WFDC1: variants seen among roughly 807,000 people sequenced by gnomAD.
WFDC1 encodes the protein WAP four-disulfide core domain protein 1.
WFDC1 carries 39 observed loss-of-function variants against 32.9 expected under a neutral mutation model. That is an observed-to-expected ratio of 1.19 (90% CI 0.92 to 1.55). WFDC1 has a LOEUF of 1.55. WFDC1 is among the 40% of genes most tolerant of loss of function. WFDC1 has a pLI of 0.00. For synonymous variants in WFDC1, 184 were observed against 137.4 expected, an observed-to-expected ratio of 1.34 and a Z score of -2.37; for missense variants, 386 against 309.5, an observed-to-expected ratio of 1.25 and a Z score of -1.85.
At chr16:84,301,251 A>G (rs8047651) in intron 1 of WFDC1, among the ~76,000 whole-genome samples, 6,218 of 152,254 alleles carry the variant, frequency 0.041, 377 homozygotes, top group African/African-American at 0.14. Context: ...GTGTTGTTTT[A>G]AGCCCCCAGC....
chr16:84,312,654 T>C (rs1014483712), intron 1 of WFDC1, among the ~76,000 whole-genome samples: 10 of 152,230 alleles, frequency 6.6e-5, no homozygotes. Context: ...TTATGTATTA[T>C]GTATCATCTC....
intron 1 of WFDC1, among the ~76,000 whole-genome samples, chr16:84,306,404 C>T (rs897066742): frequency 1.3e-5 from 2 of 152,122 alleles, no homozygotes; most frequent in Non-Finnish European, 2.9e-5. Context: ...GGAAGCGTTC[C>T]GAGTAGAAGG....
In WFDC1 at chr16:84,318,335, G is replaced by T; in HGVS notation, c.401G>T (p.Gly134Val). The part of the protein sequence containing the change: ...WLGGNGWLLD[G>V]PEEVLQAEAC... ...GGTGGCAATGGCTGGCTCCTGGATG[G>T]CCCTGAGGAGGTGTTACAAGGTACC... Residue 134 changes from glycine (G) to valine (V), a missense_variant, in exon 3 of 7, where the codon GGC becomes GTC. Transcript: ENST00000219454. 1 of 1,614,086 alleles carries T rather than the reference G, an allele frequency of 6.2e-7. No homozygotes were observed. The highest frequency in any genetic ancestry group is 8.5e-7 in the Non-Finnish European group (1 of 1,179,988).
At position 84,322,145 on chromosome 16, in the gene WFDC1, C is replaced by CTGTGTGTGTGCGTGCG. The variant is rs1908335049; in HGVS notation, c.563-2264_563-2263insCGTGCGTGTGTGTGTG. 4.6e-5 allele frequency among the ~76,000 whole-genome samples: 5 copies of CTGTGTGTGTGCGTGCG among 109,460 alleles called. No individual in the cohort carries two copies. The East Asian group carries it at 1.2e-3, about 25-fold the overall frequency. 71.8% of individuals were successfully genotyped at this position (109,460 alleles called of 152,430 possible). A position where few individuals can be genotyped will look rare whatever the true frequency, so the allele number is the denominator to read the frequency against. ...CAAGACTGTCCACCAGCCTCAGAGCCTGTGTGTGTGTGTGCGTGTGTGTGT... is the reference window on the plus strand; with the variant it reads ...CAAGACTGTCCACCAGCCTCAGAGCCTGTGTGTGTGCGTGCGTGTGTGTGTGTGTGCGTGTGTGTGT... On this transcript the variant is annotated intron_variant, in intron 4 of 6. Transcript: ENST00000219454.
intron 1 of WFDC1, among the ~76,000 whole-genome samples, chr16:84,307,386 A>C (rs1597670474): frequency 6.6e-6 from 1 of 152,198 alleles, no homozygotes; most frequent in South Asian, 2.1e-4. Flanking sequence ...CCTCTCAGTG[A>C]AATCAGTGCT....
intron 1 of WFDC1, among the ~76,000 whole-genome samples, chr16:84,298,615 A>G (rs1241970622): frequency 6.6e-6 from 1 of 152,202 alleles, no homozygotes; most frequent in Non-Finnish European, 1.5e-5. Flanking sequence ...CCAGGGCTAC[A>G]TGAGGAGAGC....
chr16:84,305,371 C>T (rs1394759825), intron 1 of WFDC1, among the ~76,000 whole-genome samples: 1 of 152,244 alleles, frequency 6.6e-6, no homozygotes, highest in African/African-American at 2.4e-5. Flanking sequence ...AGTGCTCTTG[C>T]ACATGCTGGG....
chr16:84,322,719 G>C (rs914171180), intron 4 of WFDC1, among the ~76,000 whole-genome samples: 1 of 152,170 alleles, frequency 6.6e-6, no homozygotes, highest in African/African-American at 2.4e-5. Flanking sequence ...GCATTTGAGG[G>C]GTTCACATTT....
At chr16:84,323,033 G>A (rs1217045172) in intron 4 of WFDC1, among the ~76,000 whole-genome samples, 1 of 152,214 alleles carries the variant, frequency 6.6e-6, no homozygotes, top group African/African-American at 2.4e-5. Flanking sequence ...CTGTCTCCTT[G>A]TGGTGTTATG....
intron 1 of WFDC1, among the ~76,000 whole-genome samples, chr16:84,306,498 A>G (rs1907267394): frequency 6.6e-6 from 1 of 152,168 alleles, no homozygotes. Context: ...TTACATTTTG[A>G]AAGCATCCTT....
intron 3 of WFDC1, chr16:84,318,893 T>C: frequency 5.3e-6 from 1 of 186,998 alleles, no homozygotes. Flanking sequence ...GCTGTCCTTG[T>C]GCCTGTGGCT....
At chr16:84,303,715 A>G (rs549018358) in intron 1 of WFDC1, among the ~76,000 whole-genome samples, 3 of 152,314 alleles carry the variant, frequency 2.0e-5, no homozygotes, top group South Asian at 2.1e-4. Flanking sequence ...CAAAGGTACA[A>G]TTCAGTGGTG....
chr16:84,326,963 G>A lies in WFDC1; in HGVS notation c.*15+8G>A, dbSNP rs377765648. The A allele has an allele frequency of 5.0e-6, 8 of 1,613,874 alleles. No individual in the cohort carries two copies. The highest frequency in any genetic ancestry group is 5.9e-6 in the Non-Finnish European group (7 of 1,179,942). On this transcript the variant is annotated splice_region_variant and intron_variant, in intron 6 of 6. Transcript: ENST00000219454. ...TAAAGCAACGGCAAGCAGGTGAGTG[G>A]GCAGAGAGCAAGAGTCATGGCCAGG...
chr16:84,320,471 A>G (rs1457451516), intron 4 of WFDC1, among the ~76,000 whole-genome samples: 2 of 152,268 alleles, frequency 1.3e-5, no homozygotes, highest in Non-Finnish European at 2.9e-5. Flanking sequence ...GTCTTTGGAC[A>G]CAAAGGCAAT....
chr16:84,322,036 C>T (rs1227115281), intron 4 of WFDC1, among the ~76,000 whole-genome samples: 1 of 152,134 alleles, frequency 6.6e-6, no homozygotes, highest in Non-Finnish European at 1.5e-5. Context: ...TGAATGTGTG[C>T]CACCATCATC....
intron 1 of WFDC1, among the ~76,000 whole-genome samples, chr16:84,302,108 A>C (rs244833): frequency 0.29 from 44,551 of 151,954 alleles, 7,135 homozygotes; most frequent in East Asian, 0.48. Context: ...TGCTGAGTGC[A>C]CAAAGGCCAC....
intron 1 of WFDC1, among the ~76,000 whole-genome samples, chr16:84,306,193 G>GAAAA (rs1308973278): frequency 2.5e-4 from 38 of 152,240 alleles, no homozygotes; most frequent in Admixed American, 2.4e-3. Flanking sequence ...GCTCAGATAC[G>GAAAA]TTAGTGATTT....
At chr16:84,318,080 T>C in intron 2 of WFDC1, 192 bp from the exon 3 acceptor site, 2 of 567,270 alleles carry the variant, frequency 3.5e-6, no homozygotes, top group South Asian at 3.9e-5. Context: ...CCCAGCTTTG[T>C]GGCCCAGTGC....
chr16:84,315,986 C>A lies in WFDC1; in HGVS notation c.338-2286C>A, dbSNP rs1057448812. 12 of 152,216 alleles carry A rather than the reference C, an allele frequency of 7.9e-5. No individual in the cohort carries two copies. The East Asian group carries it at 1.9e-3, about 24-fold the overall frequency. The allele number at this position is 152,216 out of a possible 1,614,324, so 9.4% of individuals were successfully genotyped here. On this transcript the variant is annotated intron_variant, in intron 2 of 6. Transcript: ENST00000219454. ...TCTTCAACTAGAGTAATGGGGAGCCCGGACCAAGTTTCACTACTCCAAACA... is the reference window on the plus strand; with the variant it reads ...TCTTCAACTAGAGTAATGGGGAGCCAGGACCAAGTTTCACTACTCCAAACA...
Sources: allele counts gnomAD v4.1 joint callset (sites outside exome capture counted in the v4.1 genomes callset), GRCh38; gene constraint gnomAD v4.1.1; transcripts MANE v1.5; gene names NCBI Gene and HGNC (gene_info 2026-07-23, HGNC 2026-07-21).